Variants in PAN3 observed in about 807,000 individuals in gnomAD.
PAN3 encodes the protein poly(A) specific ribonuclease subunit PAN3, also known as PAN2-PAN3 deadenylation complex subunit PAN3.
In PAN3, 19 loss-of-function variants were observed where a neutral mutation model predicts 96.2. The ratio of observed to expected loss-of-function variants is 0.20; its 90% CI spans 0.14 to 0.29. The LOEUF is 0.29. Ranked by LOEUF, PAN3 falls within the 10% of genes least tolerant of loss-of-function variation. The pLI, the probability that PAN3 is intolerant of heterozygous loss-of-function variation, is 1.00. For synonymous variants in PAN3, 433 were observed against 406.6 expected (o/e 1.06, Z -0.78); for missense variants, 882 against 1,108.1 (o/e 0.80, Z 2.90).
intron 15 of PAN3, among the ~76,000 whole-genome samples, chr13:28,278,230 G>C (rs1439197086): frequency 6.6e-6 from 1 of 152,228 alleles, no homozygotes; most frequent in East Asian, 1.9e-4. Flanking sequence ...TTGCCCACCT[G>C]TTCTTTGTTA....
intron 5 of PAN3, among the ~76,000 whole-genome samples, chr13:28,213,873 A>G (rs1254906081): frequency 6.6e-6 from 1 of 152,218 alleles, no homozygotes; most frequent in South Asian, 2.1e-4. Context: ...TAAAACCACA[A>G]TGAGATACCA....
chr13:28,191,150 T>A (rs1219817311), intron 4 of PAN3, among the ~76,000 whole-genome samples: 1 of 152,204 alleles, frequency 6.6e-6, no homozygotes, highest in African/African-American at 2.4e-5. Flanking sequence ...GGCTTGGATC[T>A]TAAAGAACTG....
intron 6 of PAN3, among the ~76,000 whole-genome samples, chr13:28,240,663 G>A (rs749968869): frequency 3.3e-5 from 5 of 152,104 alleles, no homozygotes; most frequent in South Asian, 4.1e-4. Flanking sequence ...TTCAACTTTC[G>A]CTCCATAGCT....
chr13:28,152,363 C>T (rs1271136938), intron 1 of PAN3, among the ~76,000 whole-genome samples: 1 of 152,036 alleles, frequency 6.6e-6, no homozygotes, highest in African/African-American at 2.4e-5. Flanking sequence ...GGGGGTGGAT[C>T]GCCTTAGGTC....
chr13:28,151,078 T>TG (rs1871302550), intron 1 of PAN3, among the ~76,000 whole-genome samples: 1 of 152,142 alleles, frequency 6.6e-6, no homozygotes, highest in Non-Finnish European at 1.5e-5. Flanking sequence ...TGGAGAATGA[T>TG]AGCCAAGCCA....
chr13:28,171,871 T>C (rs1016774473), intron 1 of PAN3, among the ~76,000 whole-genome samples: 1 of 152,310 alleles, frequency 6.6e-6, no homozygotes, highest in Admixed American at 6.5e-5. Context: ...GGGCTTGGTC[T>C]TTCTGGTGAA....
intron 17 of PAN3, 23 bp from the exon 18 acceptor site, chr13:28,287,961 G>A (rs758843348): frequency 3.1e-5 from 49 of 1,599,514 alleles, no homozygotes; most frequent in Admixed American, 1.2e-4. Context: ...GAGTTACTGA[G>A]GTAAAATGTT....
chr13:28,261,512 T>A (rs139331972), intron 9 of PAN3, 54 bp downstream of exon 9: 1 of 1,484,380 alleles, frequency 6.7e-7, no homozygotes, highest in Non-Finnish European at 9.3e-7. Flanking sequence ...AATTCTTACG[T>A]GGTAGTACAT....
At chr13:28,203,771 T>C (rs1289933100) in intron 5 of PAN3, among the ~76,000 whole-genome samples, 2 of 152,048 alleles carry the variant, frequency 1.3e-5, no homozygotes, top group Admixed American at 6.6e-5. Flanking sequence ...CAGTGTTGTT[T>C]AGTGAGAAAG....
chr13:28,283,597 T>A (rs1430898037), intron 17 of PAN3, among the ~76,000 whole-genome samples: 1 of 152,206 alleles, frequency 6.6e-6, no homozygotes, highest in Non-Finnish European at 1.5e-5. Context: ...CCATACACAG[T>A]ATATTTTATC....
chr13:28,211,061 T>TA (rs201812841), intron 5 of PAN3, among the ~76,000 whole-genome samples: 8 of 152,068 alleles, frequency 5.3e-5, no homozygotes, highest in Admixed American at 2.0e-4. Context: ...CTGGCTAATT[T>TA]AAAAAAATTT....
chr13:28,184,497 C>T (rs1876209528), intron 4 of PAN3, among the ~76,000 whole-genome samples: 4 of 152,170 alleles, frequency 2.6e-5, no homozygotes, highest in Admixed American at 2.0e-4. Flanking sequence ...GGAGATAAAA[C>T]ATCGTTTAAC....
intron 4 of PAN3, among the ~76,000 whole-genome samples, chr13:28,182,948 A>G (rs1875990828): frequency 6.6e-6 from 1 of 152,178 alleles, no homozygotes; most frequent in Admixed American, 6.6e-5. Flanking sequence ...TTCCTTTGAA[A>G]AATGATTTTT....
chr13:28,249,333 G>T (rs1449707344), intron 6 of PAN3, among the ~76,000 whole-genome samples: 1 of 152,106 alleles, frequency 6.6e-6, no homozygotes, highest in Admixed American at 6.5e-5. Context: ...GTAGGTGTTG[G>T]ATGTTATATA....
chr13:28,141,341 C>A (rs986663191), intron 1 of PAN3, among the ~76,000 whole-genome samples: 21 of 151,552 alleles, frequency 1.4e-4, no homozygotes, highest in African/African-American at 5.1e-4. Flanking sequence ...TGTTAGACTT[C>A]ATAGGTGATC....
chr13:28,217,070 C>T (rs1438423281), intron 5 of PAN3, among the ~76,000 whole-genome samples: 6 of 150,726 alleles, frequency 4.0e-5, no homozygotes, highest in Admixed American at 3.3e-4. Context: ...GCCGAGATCA[C>T]GCCACTGTAC....
chr13:28,257,565 GCTC>G (rs1182075170), intron 7 of PAN3, among the ~76,000 whole-genome samples: 6 of 150,572 alleles, frequency 4.0e-5, no homozygotes, highest in Non-Finnish European at 2.9e-5. Flanking sequence ...TACCATCTGA[GCTC>G]CTCCTCCTGT....
At chr13:28,173,128 T>C (rs1281441015) in intron 1 of PAN3, among the ~76,000 whole-genome samples, 17 of 152,168 alleles carry the variant, frequency 1.1e-4, no homozygotes, top group Non-Finnish European at 2.1e-4. Context: ...TGTGGCATTA[T>C]TAGGTTAATT....
At position 28,138,945 on chromosome 13, in the gene PAN3, C is replaced by T. The variant is rs759417311; in HGVS notation, c.288C>T (p.Ala96=). 4 of 1,326,494 alleles carry T rather than the reference C, an allele frequency of 3.0e-6. No individual in the cohort carries two copies. The highest frequency in any genetic ancestry group is 1.5e-5 in the African/African-American group (1 of 65,824). 82.2% of individuals were successfully genotyped at this position (1,326,494 alleles called of 1,614,324 possible). A position where few individuals can be genotyped will look rare whatever the true frequency, so the allele number is the denominator to read the frequency against. Residue 96 remains alanine, a synonymous_variant, in exon 1 of 19, where the codon GCC becomes GCT. Coordinates refer to ENST00000380958, the MANE Select transcript of PAN3 (RefSeq NM_175854.8). ...TGGCTCTGGCTGGTGCACCCGTGGC[C>T]GGCTTTCCGCCGGGAGCCGTCGCGG... The part of the protein sequence containing the change: ...VPLALAGAPV[A]GFPPGAVAGG...
Sources: gnomAD v4.1 joint callset for allele counts (sites outside exome capture counted in the v4.1 genomes callset) on GRCh38, gnomAD v4.1.1 for gene constraint, MANE v1.5 for transcripts, NCBI Gene and HGNC (gene_info 2026-07-23, HGNC 2026-07-21) for gene names.